COL8A1: variants seen among roughly 807,000 people sequenced by gnomAD.
The protein encoded by COL8A1 is collagen type VIII alpha 1 chain, also known as collagen alpha-1(VIII) chain.
In COL8A1, 21 loss-of-function variants were observed where a neutral mutation model predicts 42.7. The observed-to-expected ratio is 0.49, with a 90% CI of 0.35 to 0.71. The LOEUF is 0.71. COL8A1 is among the 30% of genes least tolerant of loss of function. COL8A1 has a pLI of 0.01. For missense variants in COL8A1, 788 were observed against 962.4 expected (o/e 0.82, Z 2.40); for synonymous variants, 367 against 369.1 (o/e 0.99, Z 0.06).
rs11428773 is a variant in COL8A1, at chr3:99,766,950, GA to G, written c.-4+21941del. Among the ~76,000 whole-genome samples, 310 of 147,830 alleles carry G rather than the reference GA, an allele frequency of 2.1e-3. 1 individual carries two copies. The highest frequency in any genetic ancestry group is 6.9e-3 in the African/African-American group (280 of 40,442). ...AGCAACAAGAGCGAAACTCTGTCTT[GA>G]AAAAAAAAAAATGATGTCCTCTAGG... On this transcript the variant is annotated intron_variant, in intron 2 of 3. Coordinates refer to ENST00000652472, the MANE Select transcript of COL8A1 (RefSeq NM_020351.4).
In COL8A1 at chr3:99,653,648, T is replaced by A. The variant is rs562653229; in HGVS notation, c.-129+14984T>A. Reference sequence around the variant, plus strand: ...AGGAAAAATGTGGCTGTTCTGAGTGTCTCATCTAAGATCTTACCTCATCCC... The same window carrying A: ...AGGAAAAATGTGGCTGTTCTGAGTGACTCATCTAAGATCTTACCTCATCCC... On this transcript the variant is annotated intron_variant, in intron 1 of 3. Coordinates refer to ENST00000652472, the MANE Select transcript of COL8A1 (RefSeq NM_020351.4). Among the ~76,000 whole-genome samples the A allele has an allele frequency of 1.8e-4, 28 of 151,556 alleles. No individual in the cohort carries two copies. The South Asian group carries it at 5.2e-3, about 28-fold the overall frequency.
At chr3:99,725,194 G>A (rs921645297) in intron 1 of COL8A1, among the ~76,000 whole-genome samples, 2 of 151,962 alleles carry the variant, frequency 1.3e-5, no homozygotes, top group Non-Finnish European at 2.9e-5. Flanking sequence ...ATTGTTATGG[G>A]AAGAAGAGGA....
chr3:99,703,734 G>T (rs906671978), intron 1 of COL8A1: 6 of 152,178 alleles, frequency 3.9e-5, no homozygotes, highest in African/African-American at 1.4e-4. Flanking sequence ...TCTTTGCCAG[G>T]CCTGCCCAGC....
chr3:99,791,666 T>C (rs1428347643), intron 3 of COL8A1, among the ~76,000 whole-genome samples: 1 of 152,164 alleles, frequency 6.6e-6, no homozygotes, highest in East Asian at 1.9e-4. Context: ...ATAAATTCAT[T>C]TGGTTTGTCT....
chr3:99,645,691 CTT>C (rs927140242), intron 1 of COL8A1, among the ~76,000 whole-genome samples: 7 of 139,054 alleles, frequency 5.0e-5, no homozygotes, highest in African/African-American at 1.9e-4. Flanking sequence ...TGTTAGTTTT[CTT>C]TTTAAAAAAA....
chr3:99,672,151 G>A (rs768501879), intron 1 of COL8A1, among the ~76,000 whole-genome samples: 30 of 151,982 alleles, frequency 2.0e-4, no homozygotes, highest in Non-Finnish European at 2.5e-4. Flanking sequence ...CTCATCCATA[G>A]GAAGTTTCCA....
chr3:99,738,864 G>C (rs1020454211), intron 1 of COL8A1, among the ~76,000 whole-genome samples: 17 of 152,170 alleles, frequency 1.1e-4, no homozygotes, highest in African/African-American at 3.9e-4. Flanking sequence ...TGCTGTGCTA[G>C]CAATCAGCGA....
At chr3:99,695,175 T>C (rs1939332123) in intron 1 of COL8A1, among the ~76,000 whole-genome samples, 1 of 152,164 alleles carries the variant, frequency 6.6e-6, no homozygotes, top group African/African-American at 2.4e-5. Flanking sequence ...CAATAATATA[T>C]TTTATTTAGC....
chr3:99,694,363 T>G (rs1176847670), intron 1 of COL8A1, among the ~76,000 whole-genome samples: 1 of 151,856 alleles, frequency 6.6e-6, no homozygotes, highest in Admixed American at 6.6e-5. Context: ...GTAGCCCCAG[T>G]TACTCAGGAG....
chr3:99,756,018 C>G (rs792832), intron 2 of COL8A1, among the ~76,000 whole-genome samples: 97,136 of 151,746 alleles, frequency 0.64, 31,826 homozygotes, highest in African/African-American at 0.78. Flanking sequence ...AGGTAAGGCA[C>G]TGGTCCAGGC....
chr3:99,790,637 C>A, intron 2 of COL8A1, 43 bp from the exon 3 acceptor site: 1 of 1,552,846 alleles, frequency 6.4e-7, no homozygotes, highest in South Asian at 1.1e-5. Flanking sequence ...GTCACTTGGC[C>A]TTGCAGAGTT....
At chr3:99,657,046 G>T (rs1938044752) in intron 1 of COL8A1, among the ~76,000 whole-genome samples, 1 of 152,144 alleles carries the variant, frequency 6.6e-6, no homozygotes, top group Non-Finnish European at 1.5e-5. Context: ...CCTTAAGATG[G>T]TTTCTCAGCT....
intron 2 of COL8A1, among the ~76,000 whole-genome samples, chr3:99,784,900 A>G (rs1417475177): frequency 6.6e-6 from 1 of 152,208 alleles, no homozygotes; most frequent in African/African-American, 2.4e-5. Context: ...ATCTCTTAAT[A>G]CTAATCAATT....
chr3:99,729,984 C>A (rs1393794301), intron 1 of COL8A1, among the ~76,000 whole-genome samples: 2 of 152,086 alleles, frequency 1.3e-5, no homozygotes, highest in African/African-American at 4.8e-5. Context: ...TGTCATGCTC[C>A]AGACAACTGC....
At chr3:99,644,601 G>A (rs1028638417) in intron 1 of COL8A1, among the ~76,000 whole-genome samples, 12 of 152,064 alleles carry the variant, frequency 7.9e-5, no homozygotes, top group African/African-American at 2.7e-4. Context: ...TTCTAAAATC[G>A]ATCTATTATA....
intron 1 of COL8A1, among the ~76,000 whole-genome samples, chr3:99,686,145 C>T (rs9848257): frequency 0.13 from 19,975 of 152,096 alleles, 1,423 homozygotes; most frequent in Middle Eastern, 0.17. Flanking sequence ...AGACAATGCA[C>T]AGTAAATTTA....
intron 1 of COL8A1, among the ~76,000 whole-genome samples, chr3:99,645,828 T>A (rs528197656): frequency 6.6e-6 from 1 of 152,276 alleles, no homozygotes; most frequent in East Asian, 1.9e-4. Context: ...TTAGAAAATG[T>A]TCTTTCCAAG....
chr3:99,717,140 G>A (rs116094104), intron 1 of COL8A1, among the ~76,000 whole-genome samples: 3,375 of 151,954 alleles, frequency 0.022, 53 homozygotes, highest in Non-Finnish European at 0.035. Context: ...TAAGAAAGTC[G>A]TAATATCTCT....
In COL8A1 at chr3:99,798,513, A is replaced by C. The variant is rs1942140201; in HGVS notation, c.*2377A>C. The C allele has an allele frequency of 6.6e-6, 1 of 152,224 alleles. No homozygotes were observed. Among genetic ancestry groups the C allele is most frequent in the African/African-American group, 2.4e-5 (1 of 41,460 alleles). The allele number at this position is 152,224 out of a possible 1,614,324, so 9.4% of individuals were successfully genotyped here. ...CATGTATGGGCTTTTAATTCCCACC[A>C]AGAAAGAGAGAAATTATCTTTTTAG... On this transcript the variant is annotated 3_prime_UTR_variant, in exon 4 of 4. Transcript: ENST00000652472.
Sources: gnomAD v4.1 joint callset for allele counts (sites outside exome capture counted in the v4.1 genomes callset) on GRCh38, gnomAD v4.1.1 for gene constraint, MANE v1.5 for transcripts, NCBI Gene and HGNC (gene_info 2026-07-23, HGNC 2026-07-21) for gene names.